The following CD2AP variants were observed in gnomAD, a reference collection of about 807,000 sequenced individuals.
CD2AP encodes CD2-associated protein.
CD2AP carries 46 observed loss-of-function variants against 85.1 expected under a neutral mutation model. That is an observed-to-expected ratio of 0.54 (90% CI 0.43 to 0.69). The LOEUF is 0.69. Ranked by LOEUF, CD2AP falls within the 30% of genes least tolerant of loss-of-function variation. The pLI is 0.00. For synonymous variants in CD2AP, 255 were observed against 252.9 expected, an observed-to-expected ratio of 1.01 and a Z score of -0.08; for missense variants, 769 against 729.5, an observed-to-expected ratio of 1.05 and a Z score of -0.62.
intron 16 of CD2AP, among the ~76,000 whole-genome samples, chr6:47,610,234 C>A (rs1769394237): frequency 1.3e-5 from 2 of 152,026 alleles, no homozygotes; most frequent in Admixed American, 6.6e-5. Context: ...TTTCTATAAC[C>A]ACTAGTATTT....
At chr6:47,517,729 G>A (rs1435151972) in intron 2 of CD2AP, among the ~76,000 whole-genome samples, 1 of 152,082 alleles carries the variant, frequency 6.6e-6, no homozygotes, top group Non-Finnish European at 1.5e-5. Flanking sequence ...AGACAATCTG[G>A]TATATAGTTT....
At chr6:47,611,096 C>T (rs1769427397) in intron 16 of CD2AP, among the ~76,000 whole-genome samples, 1 of 143,746 alleles carries the variant, frequency 7.0e-6, no homozygotes, top group Admixed American at 7.0e-5. Context: ...ATCTAAAAAA[C>T]TTGCATCAGC....
At chr6:47,587,234 G>A (rs1768654768) in intron 11 of CD2AP, among the ~76,000 whole-genome samples, 1 of 152,086 alleles carries the variant, frequency 6.6e-6, no homozygotes, top group Admixed American at 6.6e-5. Context: ...TTGTATTTGT[G>A]TTCATGGTTT....
At chr6:47,526,100 A>G (rs1403801723) in intron 2 of CD2AP, among the ~76,000 whole-genome samples, 1 of 152,208 alleles carries the variant, frequency 6.6e-6, no homozygotes, top group Non-Finnish European at 1.5e-5. Flanking sequence ...AGAGGAAGGA[A>G]TAAACACTGG....
chr6:47,586,237 T>C (rs1053730362), intron 11 of CD2AP, among the ~76,000 whole-genome samples: 4 of 152,012 alleles, frequency 2.6e-5, no homozygotes, highest in African/African-American at 7.2e-5. Flanking sequence ...AAGACCCAAA[T>C]TGAACCTTTA....
At chr6:47,593,654 A>C (rs1439577073) in intron 11 of CD2AP, among the ~76,000 whole-genome samples, 1 of 152,098 alleles carries the variant, frequency 6.6e-6, no homozygotes, top group Non-Finnish European at 1.5e-5. Context: ...AAGGAAAATA[A>C]GTAATAAATG....
At chr6:47,492,688 T>C (rs1449555081) in intron 1 of CD2AP, among the ~76,000 whole-genome samples, 1 of 152,210 alleles carries the variant, frequency 6.6e-6, no homozygotes, top group Non-Finnish European at 1.5e-5. Flanking sequence ...GTAAGGTCTG[T>C]AGAGATACTC....
chr6:47,513,896 G>A (rs943107765), intron 2 of CD2AP, among the ~76,000 whole-genome samples: 3 of 148,598 alleles, frequency 2.0e-5, no homozygotes, highest in Admixed American at 6.7e-5. Context: ...TTTTTTTGGG[G>A]GGGGGGCTAG....
intron 5 of CD2AP, among the ~76,000 whole-genome samples, chr6:47,571,911 G>GA (rs932659051): frequency 1.5e-4 from 22 of 151,022 alleles, no homozygotes; most frequent in Admixed American, 5.9e-4. Flanking sequence ...CTGCTTGCCA[G>GA]AAAAAAAAAT....
chr6:47,569,096 A>G (rs1322892324), intron 5 of CD2AP, among the ~76,000 whole-genome samples: 2 of 152,202 alleles, frequency 1.3e-5, no homozygotes, highest in Non-Finnish European at 2.9e-5. Flanking sequence ...AAAGGAGGTT[A>G]GGCAGTGTAG....
At chr6:47,489,633 C>T (rs368995533) in intron 1 of CD2AP, among the ~76,000 whole-genome samples, 21 of 152,262 alleles carry the variant, frequency 1.4e-4, no homozygotes, top group African/African-American at 3.6e-4. Flanking sequence ...GCTGAATGTA[C>T]GGAGCATTCG....
chr6:47,602,384 G>A (rs1479315994), intron 13 of CD2AP, among the ~76,000 whole-genome samples: 1 of 151,774 alleles, frequency 6.6e-6, no homozygotes, highest in African/African-American at 2.4e-5. Context: ...AAATCTCAGT[G>A]CCACTACTAA....
chr6:47,594,329 A>G (rs1012745940), intron 11 of CD2AP, among the ~76,000 whole-genome samples: 1 of 152,104 alleles, frequency 6.6e-6, no homozygotes, highest in African/African-American at 2.4e-5. Flanking sequence ...GCCATCTTAT[A>G]GTAGTTATAT....
chr6:47,518,635 A>G (rs1387278528), intron 2 of CD2AP, among the ~76,000 whole-genome samples: 2 of 152,236 alleles, frequency 1.3e-5, no homozygotes, highest in African/African-American at 4.8e-5. Flanking sequence ...GTGTGAACAT[A>G]TATTTTCATT....
chr6:47,508,219 G>T (rs1214466565), intron 2 of CD2AP, among the ~76,000 whole-genome samples: 2 of 152,182 alleles, frequency 1.3e-5, no homozygotes, highest in Non-Finnish European at 2.9e-5. Flanking sequence ...CCAATAGAAG[G>T]TTTCATCTCC....
intron 5 of CD2AP, among the ~76,000 whole-genome samples, chr6:47,563,754 C>T (rs1008397124): frequency 2.6e-5 from 4 of 152,096 alleles, no homozygotes; most frequent in African/African-American, 4.8e-5. Context: ...ATGAAAAAAG[C>T]GTGAGCTCCC....
chr6:47,599,679 A>T (rs1031102616), intron 13 of CD2AP, among the ~76,000 whole-genome samples: 6 of 152,070 alleles, frequency 3.9e-5, no homozygotes, highest in African/African-American at 1.4e-4. Context: ...GAGGACTGAA[A>T]TAGATGTTAA....
At chr6:47,615,221 G>A (rs1175299222) in intron 17 of CD2AP, among the ~76,000 whole-genome samples, 1 of 152,140 alleles carries the variant, frequency 6.6e-6, no homozygotes, top group African/African-American at 2.4e-5. Context: ...CTGTGTATTA[G>A]TTAGGCTTAG....
intron 2 of CD2AP, among the ~76,000 whole-genome samples, chr6:47,505,906 C>CA (rs1435426758): frequency 8.6e-6 from 1 of 115,820 alleles, no homozygotes; most frequent in Admixed American, 7.9e-5. Flanking sequence ...GGGCTGACCC[C>CA]CCCCACCTCC....
Sources: allele counts gnomAD v4.1 joint callset (sites outside exome capture counted in the v4.1 genomes callset), GRCh38; gene constraint gnomAD v4.1.1; transcripts MANE v1.5; gene names NCBI Gene and HGNC (gene_info 2026-07-23, HGNC 2026-07-21).